The following XKR9 variants were observed in gnomAD, a reference collection of about 807,000 sequenced individuals.
XKR9 encodes the protein XK-related protein 9.
In XKR9, 32 loss-of-function variants were observed where a neutral mutation model predicts 32.0. That is an observed-to-expected ratio of 1.00 (90% CI 0.76 to 1.34). The LOEUF (loss-of-function observed/expected upper bound fraction) is 1.34. XKR9 is among the 40% of genes most tolerant of loss of function. XKR9 has a pLI of 0.00. For missense variants in XKR9, 546 were observed against 429.7 expected (o/e 1.27, Z -2.39); for synonymous variants, 168 against 143.4 (o/e 1.17, Z -1.22).
the XKR9 span, among the ~76,000 whole-genome samples, chr8:70,956,893 A>AG: frequency 6.6e-6 from 1 of 152,088 alleles, no homozygotes; most frequent in African/African-American, 2.4e-5. Flanking sequence ...CAGGGATGCT[A>AG]GGGTCTGGAG....
chr8:71,032,270 T>G, the XKR9 span, among the ~76,000 whole-genome samples: 1 of 109,562 alleles, frequency 9.1e-6, no homozygotes, highest in Admixed American at 1.5e-4. Flanking sequence ...GGTGACAGAG[T>G]GAGACTCTGT....
the XKR9 span, among the ~76,000 whole-genome samples, chr8:71,065,522 T>G: frequency 1.3e-5 from 2 of 152,252 alleles, no homozygotes. Context: ...TATGGTATTT[T>G]GTTACGGCAG....
the XKR9 span, among the ~76,000 whole-genome samples, chr8:71,061,392 C>A: frequency 7.2e-5 from 11 of 152,210 alleles, no homozygotes; most frequent in Non-Finnish European, 1.6e-4. Flanking sequence ...AGCAAGATGA[C>A]AGAGCAGTGT....
the XKR9 span, among the ~76,000 whole-genome samples, chr8:71,034,409 T>A: frequency 1.3e-5 from 2 of 152,212 alleles, no homozygotes; most frequent in African/African-American, 4.8e-5. Context: ...CATGTGGAGC[T>A]GTGAGTCGAT....
intron 3 of XKR9, among the ~76,000 whole-genome samples, chr8:70,689,775 A>T (rs1819447934): frequency 6.6e-6 from 1 of 152,098 alleles, no homozygotes; most frequent in Non-Finnish European, 1.5e-5. Context: ...TACAGACAGA[A>T]GGTATAGTAT....
the XKR9 span, among the ~76,000 whole-genome samples, chr8:70,893,360 C>G: frequency 7.9e-5 from 12 of 152,130 alleles, no homozygotes; most frequent in African/African-American, 2.7e-4. Context: ...ATTGGGTTCT[C>G]TTACTACACA....
the XKR9 span, among the ~76,000 whole-genome samples, chr8:70,931,026 C>T: frequency 2.6e-5 from 4 of 152,046 alleles, no homozygotes; most frequent in Non-Finnish European, 5.9e-5. Context: ...TTGTTAATTA[C>T]TCTTGGTAGT....
intron 2 of XKR9, among the ~76,000 whole-genome samples, chr8:70,769,831 A>G (rs1402090522): frequency 2.6e-5 from 4 of 151,908 alleles, no homozygotes; most frequent in African/African-American, 9.7e-5. Context: ...TCTAGTTAGC[A>G]TTTCCTGTAA....
the XKR9 span, among the ~76,000 whole-genome samples, chr8:70,799,562 G>A: frequency 6.6e-6 from 1 of 152,016 alleles, no homozygotes; most frequent in Non-Finnish European, 1.5e-5. Flanking sequence ...GAACTCCTGA[G>A]CTCAGGAGAT....
rs772451292 is a variant in XKR9 at position 70,681,067 on chromosome 8, T to C, written c.9T>C (p.Tyr3=). 1.9e-6 allele frequency: 3 copies of C among 1,611,324 alleles called. No homozygotes were observed. The highest frequency in any genetic ancestry group is 2.5e-6 in the Non-Finnish European group (3 of 1,178,522). The change falls in exon 3 of 5, where the codon TAT becomes TAC. Residue 3 remains tyrosine, a synonymous_variant. Transcript: ENST00000408926. MK[Y]TKQNFMMSVL... ...AGCTATAGTCATTCGTAATGAAATA[T>C]ACTAAACAGAATTTTATGATGTCAG...
chr8:70,922,934 G>A, the XKR9 span, among the ~76,000 whole-genome samples: 1 of 152,180 alleles, frequency 6.6e-6, no homozygotes, highest in Non-Finnish European at 1.5e-5. Flanking sequence ...TGCTGCCGAC[G>A]GGGCTCATGG....
At chr8:70,857,724 C>T in the XKR9 span, among the ~76,000 whole-genome samples, 1 of 152,138 alleles carries the variant, frequency 6.6e-6, no homozygotes, top group Non-Finnish European at 1.5e-5. Context: ...CAATAAAATA[C>T]TGGGAAACCG....
intron 3 of XKR9, among the ~76,000 whole-genome samples, chr8:70,704,632 T>C (rs1274503766): frequency 6.6e-6 from 1 of 152,190 alleles, no homozygotes; most frequent in East Asian, 1.9e-4. Flanking sequence ...TCTTAACTAC[T>C]TTGCTCTGCT....
chr8:70,743,275 T>G (rs1037312070), intron 2 of XKR9, among the ~76,000 whole-genome samples: 2 of 152,184 alleles, frequency 1.3e-5, no homozygotes, highest in African/African-American at 4.8e-5. Context: ...TGCTAAAATT[T>G]TATGTATTTT....
the XKR9 span, among the ~76,000 whole-genome samples, chr8:70,991,254 T>A: frequency 6.6e-6 from 1 of 152,138 alleles, no homozygotes; most frequent in African/African-American, 2.4e-5. Flanking sequence ...TAAAGCAGCA[T>A]GAAACGGAGG....
At chr8:70,873,127 C>A in the XKR9 span, among the ~76,000 whole-genome samples, 1 of 152,172 alleles carries the variant, frequency 6.6e-6, no homozygotes, top group Non-Finnish European at 1.5e-5. Flanking sequence ...TTTAAGCCCA[C>A]TGTTAAGACC....
intron 4 of XKR9, among the ~76,000 whole-genome samples, chr8:70,718,069 A>G (rs1806150124): frequency 2.0e-5 from 3 of 152,080 alleles, no homozygotes; most frequent in Admixed American, 2.0e-4. Context: ...CACTATCAGC[A>G]TTTTGGTCAA....
chr8:70,764,833 C>G (rs983997783), intron 2 of XKR9, among the ~76,000 whole-genome samples: 10 of 152,112 alleles, frequency 6.6e-5, no homozygotes, highest in African/African-American at 2.4e-4. Flanking sequence ...TGAGTGAGAA[C>G]ATGCGGTGTT....
At chr8:70,818,616 A>G in the XKR9 span, among the ~76,000 whole-genome samples, 1 of 152,210 alleles carries the variant, frequency 6.6e-6, no homozygotes, top group South Asian at 2.1e-4. Flanking sequence ...TCTGGGGGCA[A>G]GTCGCCACAT....
Sources: gnomAD v4.1 joint callset for allele counts (sites outside exome capture counted in the v4.1 genomes callset) on GRCh38, gnomAD v4.1.1 for gene constraint, MANE v1.5 for transcripts, NCBI Gene and HGNC (gene_info 2026-07-23, HGNC 2026-07-21) for gene names.